SP140L: variants seen among roughly 807,000 people sequenced by gnomAD.
SP140L encodes SP140 like nuclear body protein.
In SP140L, 64 loss-of-function variants were observed where a neutral mutation model predicts 84.3. That is an observed-to-expected ratio of 0.76 (90% confidence interval 0.62 to 0.94). The LOEUF (loss-of-function observed/expected upper bound fraction) is 0.94, where lower values mean the gene tolerates loss of function less well. Among genes scored for constraint, SP140L ranks in the 40% least tolerant of loss-of-function variants. SP140L has a pLI of 0.00. For missense variants in SP140L, 628 were observed against 692.5 expected, an observed-to-expected ratio of 0.91 and a Z score of 1.05; for synonymous variants, 242 against 236.9, an observed-to-expected ratio of 1.02 and a Z score of -0.20.
intron 2 of SP140L, among the ~76,000 whole-genome samples, chr2:230,342,556 A>G (rs926362776): frequency 3.9e-5 from 6 of 152,036 alleles, no homozygotes; most frequent in South Asian, 4.2e-4. Context: ...TTTTTTTCCT[A>G]CTTATTCAAT....
intron 8 of SP140L, among the ~76,000 whole-genome samples, 177 bp from the exon 9 acceptor site, chr2:230,385,047 C>T (rs1052970662): frequency 6.6e-6 from 1 of 152,148 alleles, no homozygotes; most frequent in Non-Finnish European, 1.5e-5. Context: ...CTTCAATGTA[C>T]GGTTAAATTC....
chr2:230,353,663 A>G (rs552412219), intron 2 of SP140L, among the ~76,000 whole-genome samples: 61 of 152,182 alleles, frequency 4.0e-4, no homozygotes, highest in African/African-American at 1.4e-3. Context: ...AATTAGTATC[A>G]ATATCATCAA....
rs780136118 is a variant in SP140L at position 230,383,547 on chromosome 2, G to A, written c.675G>A (p.Thr225=). The A allele has an allele frequency of 3.4e-5, 54 of 1,606,052 alleles. No homozygotes were observed. The highest frequency in any genetic ancestry group is 4.4e-5 in the Non-Finnish European group (52 of 1,176,274). The change falls in exon 8 of 19, where the codon ACG becomes ACA. Residue 225 remains threonine (T), a synonymous_variant. Coordinates refer to ENST00000415673, the MANE Select transcript of SP140L (RefSeq NM_138402.6). ...KKGHGWSRMG[T]RTQKNNQQND... is the part of the protein sequence containing the mutation. ...GGCATGGCTGGAGCAGAATGGGAAC[G>A]AGAACGCAGAAAAACAACCAACAAA...
chr2:230,347,659 C>T lies in SP140L; in HGVS notation c.108-10146C>T, dbSNP rs187630822. On this transcript the variant is annotated intron_variant, in intron 2 of 18. Coordinates refer to ENST00000415673, the MANE Select transcript of SP140L (RefSeq NM_138402.6). ...CATACTCTGTAGTTAGGCAGAGTGG[C>T]TGGCTCGATTACCTGCGTGGTCAAG... Among the ~76,000 whole-genome samples, 113 of 152,308 alleles carry T rather than the reference C, an allele frequency of 7.4e-4. 2 individuals carry two copies. The highest frequency in any genetic ancestry group is 2.4e-3 in the African/African-American group (99 of 41,556).
At chr2:230,390,090 A>T in intron 11 of SP140L, 67 bp downstream of exon 11, 1 of 1,380,110 alleles carries the variant, frequency 7.2e-7, no homozygotes, top group Non-Finnish European at 1.0e-6. Flanking sequence ...TGGTGAAATT[A>T]TTTGTGTGAA....
intron 5 of SP140L, among the ~76,000 whole-genome samples, chr2:230,364,578 T>C (rs1407723070): frequency 1.3e-5 from 2 of 152,126 alleles, no homozygotes; most frequent in Admixed American, 1.3e-4. Context: ...GATCATGTCA[T>C]CTACAATTAA....
chr2:230,344,849 C>T (rs1224826172), intron 2 of SP140L, among the ~76,000 whole-genome samples: 2 of 152,166 alleles, frequency 1.3e-5, no homozygotes, highest in Non-Finnish European at 2.9e-5. Context: ...GAATTTCCTC[C>T]TGTTATGGAT....
At chr2:230,334,760 G>C (rs2059820704) in intron 2 of SP140L, among the ~76,000 whole-genome samples, 1 of 151,922 alleles carries the variant, frequency 6.6e-6, no homozygotes, top group African/African-American at 2.4e-5. Context: ...GACATTACCT[G>C]TTCCTTGAAG....
At chr2:230,356,842 C>G (rs927267739) in intron 2 of SP140L, among the ~76,000 whole-genome samples, 1 of 152,176 alleles carries the variant, frequency 6.6e-6, no homozygotes, top group African/African-American at 2.4e-5. Flanking sequence ...CTCCACCATT[C>G]TCTTTGTCAC....
chr2:230,380,598 A>G (rs1018140624), intron 7 of SP140L, among the ~76,000 whole-genome samples: 7 of 152,202 alleles, frequency 4.6e-5, no homozygotes, highest in Non-Finnish European at 1.0e-4. Context: ...GAACATGATC[A>G]TCACCCTGGA....
At chr2:230,372,933 T>C (rs2061133198) in intron 7 of SP140L, among the ~76,000 whole-genome samples, 1 of 152,190 alleles carries the variant, frequency 6.6e-6, no homozygotes, top group East Asian at 1.9e-4. Context: ...AACACTTTAA[T>C]GATAAAGCAG....
At chr2:230,332,214 T>C (rs549298870) in intron 2 of SP140L, among the ~76,000 whole-genome samples, 2 of 152,356 alleles carry the variant, frequency 1.3e-5, no homozygotes, top group South Asian at 4.1e-4. Context: ...CATATCATTT[T>C]ACTTTTATTA....
At chr2:230,333,366 G>T (rs2059778857) in intron 2 of SP140L, among the ~76,000 whole-genome samples, 2 of 152,034 alleles carry the variant, frequency 1.3e-5, no homozygotes, top group Admixed American at 6.5e-5. Flanking sequence ...CACCATGTTT[G>T]CCAGGAAGGT....
At chr2:230,391,529 TA>T (rs1261979584) in intron 11 of SP140L, among the ~76,000 whole-genome samples, 43 of 152,250 alleles carry the variant, frequency 2.8e-4, no homozygotes, top group African/African-American at 9.2e-4. Context: ...ATTTCACAAT[TA>T]TTTTTTAATA....
At chr2:230,341,295 G>T (rs2060034654) in intron 2 of SP140L, among the ~76,000 whole-genome samples, 1 of 142,586 alleles carries the variant, frequency 7.0e-6, no homozygotes, top group Non-Finnish European at 1.5e-5. Context: ...GGCTCCTGAG[G>T]CTTCTGCATT....
intron 9 of SP140L, among the ~76,000 whole-genome samples, chr2:230,387,085 C>A (rs2061614015): frequency 6.6e-6 from 1 of 152,130 alleles, no homozygotes; most frequent in Non-Finnish European, 1.5e-5. Flanking sequence ...TCTCAGAGAG[C>A]CACACCTGTG....
chr2:230,374,485 A>G (rs2061182065), intron 7 of SP140L, among the ~76,000 whole-genome samples: 1 of 152,188 alleles, frequency 6.6e-6, no homozygotes. Flanking sequence ...AATGACAACA[A>G]AGGATTTAGA....
chr2:230,338,157 C>T (rs1216128513), intron 2 of SP140L, among the ~76,000 whole-genome samples: 1 of 126,242 alleles, frequency 7.9e-6, no homozygotes, highest in Admixed American at 8.0e-5. Context: ...TGTTTGTATC[C>T]TCTTTTATTT....
Position 230,398,983 on chromosome 2 carries a change from G to C in SP140L, c.1198-1144G>C, listed in dbSNP as rs144730576. 4.1e-3 allele frequency among the ~76,000 whole-genome samples: 632 copies of C among 152,344 alleles called. 2 individuals carry two copies. Among genetic ancestry groups the C allele is most frequent in the East Asian group, 6.8e-3 (35 of 5,184 alleles). ...TGTTGGTAGGAAACCTTATCTGCAG[G>C]AGCAGAGCCGGCGGAGGACTTGTAG... On this transcript the variant is annotated intron_variant, in intron 14 of 18. Transcript: ENST00000415673.
Sources: gnomAD v4.1 joint callset for allele counts (sites outside exome capture counted in the v4.1 genomes callset) on GRCh38, gnomAD v4.1.1 for gene constraint, MANE v1.5 for transcripts, NCBI Gene and HGNC (gene_info 2026-07-23, HGNC 2026-07-21) for gene names.